Variants in LEMD1 observed in about 807,000 individuals in gnomAD.
LEMD1 encodes the protein LEM domain-containing protein 1.
Under a neutral mutation model 17.4 loss-of-function variants are expected in LEMD1, and 18 were observed. The observed-to-expected ratio is 1.04, with a 90% CI of 0.72 to 1.54. The LOEUF (loss-of-function observed/expected upper bound fraction) is 1.54, where lower values mean the gene tolerates loss of function less well. Ranked by LOEUF, LEMD1 falls within the 40% of genes most tolerant of loss-of-function variation. LEMD1 has a pLI of 0.00. For missense variants in LEMD1, 195 were observed against 210.4 expected, an observed-to-expected ratio of 0.93 and a Z score of 0.45; for synonymous variants, 88 against 77.8, an observed-to-expected ratio of 1.13 and a Z score of -0.69.
At chr1:205,400,843 T>A (rs796159063) in intron 4 of LEMD1, among the ~76,000 whole-genome samples, 1 of 79,726 alleles carries the variant, frequency 1.3e-5, no homozygotes, top group African/African-American at 4.2e-5. Context: ...ATGCTATCCC[T>A]CCCCCCCCCC....
chr1:205,382,090 C>T (rs866449805), intron 5 of LEMD1: 2 of 527,772 alleles, frequency 3.8e-6, no homozygotes, highest in Non-Finnish European at 6.8e-6. Flanking sequence ...CAGCCTTAAC[C>T]TCCTGGGCTC....
upstream of LEMD1, among the ~76,000 whole-genome samples, chr1:205,424,469 C>G (rs1419434292): frequency 6.6e-6 from 1 of 152,070 alleles, no homozygotes; most frequent in African/African-American, 2.4e-5. Context: ...TTATGCTTGG[C>G]CTAAATCAAG....
At chr1:205,381,925 T>C (rs1460864305) in intron 5 of LEMD1, 69 bp from the exon 6 acceptor site, 11 of 1,506,156 alleles carry the variant, frequency 7.3e-6, no homozygotes, top group Non-Finnish European at 1.0e-5. Context: ...CCTTAAAGTG[T>C]GTGGGTCTTG....
intron 4 of LEMD1, among the ~76,000 whole-genome samples, chr1:205,402,250 G>A (rs1184812354): frequency 2.6e-5 from 4 of 152,128 alleles, no homozygotes; most frequent in Non-Finnish European, 5.9e-5. Flanking sequence ...AAAGTCATTG[G>A]TAGCTTGATG....
In LEMD1 at chr1:205,397,575, A is replaced by C. The variant is rs145397963; in HGVS notation, c.271-13211T>G. Among the ~76,000 whole-genome samples the C allele has an allele frequency of 5.7e-3, 868 of 152,288 alleles. 8 individuals are homozygous for C. The highest frequency in any genetic ancestry group is 0.017 in the African/African-American group (694 of 41,548). ...CACTGCACTTCAATCTGGGAGATAG[A>C]GTGAGACCCTGTCTCAAGAAGAAAA... is the stretch of plus-strand genomic sequence containing the variant. On this transcript the variant is annotated intron_variant, in intron 4 of 5. Transcript: ENST00000367153.
Position 205,382,613 on chromosome 1 carries a change from T to A in LEMD1, c.348-757A>T, listed in dbSNP as rs533434305. ...AGCGTATTGGGGGATATGAGGTCTCTCAAATCCCACAAAACATTTCTTCAT... is the reference window on the plus strand; with the variant it reads ...AGCGTATTGGGGGATATGAGGTCTCACAAATCCCACAAAACATTTCTTCAT... On this transcript the variant is annotated intron_variant, in intron 5 of 5. Transcript: ENST00000367153. 2.0e-5 allele frequency among the ~76,000 whole-genome samples: 3 copies of A among 152,234 alleles called. No homozygotes were observed. The East Asian group carries it at 5.8e-4, about 30-fold the overall frequency.
intron 1 of LEMD1, among the ~76,000 whole-genome samples, chr1:205,433,355 G>T (rs1478473622): frequency 1.3e-5 from 2 of 152,112 alleles, no homozygotes; most frequent in Non-Finnish European, 2.9e-5. Context: ...TACTTGGGAG[G>T]CTGAGGCAGG....
intron 3 of LEMD1, among the ~76,000 whole-genome samples, chr1:205,416,779 T>C (rs1665716610): frequency 6.6e-6 from 1 of 152,226 alleles, no homozygotes; most frequent in Non-Finnish European, 1.5e-5. Context: ...AGCATTTTGA[T>C]AAACCTAGAG....
chr1:205,408,856 TAAAC>T lies in LEMD1; in HGVS notation c.270+7372_270+7375del, dbSNP rs1395786350. Among the ~76,000 whole-genome samples, 9 of 134,872 alleles carry T rather than the reference TAAAC, an allele frequency of 6.7e-5. 1 individual carries two copies. The East Asian group carries it at 1.8e-3, about 27-fold the overall frequency. 88.5% of individuals were successfully genotyped at this position (134,872 alleles called of 152,430 possible). ...AAATACCGGAAGGGCACATGTGACT[TAAAC>T]AAACAACAACAACAAAAAACAAGGC... On this transcript the variant is annotated intron_variant, in intron 4 of 5. Transcript: ENST00000367153.
chr1:205,447,192 C>T (rs1666406698), intron 1 of LEMD1, among the ~76,000 whole-genome samples: 1 of 152,206 alleles, frequency 6.6e-6, no homozygotes, highest in Non-Finnish European at 1.5e-5. Flanking sequence ...TGTGCTCCTT[C>T]CTATCCATAT....
chr1:205,381,798 C>T lies in LEMD1; in HGVS notation c.406G>A (p.Asp136Asn). 3 of 1,614,170 alleles carry T rather than the reference C, an allele frequency of 1.9e-6. No homozygotes were observed. Among genetic ancestry groups the T allele is most frequent in the Non-Finnish European group, 2.5e-6 (3 of 1,180,026 alleles). Residue 136 changes from aspartate to asparagine, a missense_variant, in exon 6 of 6, where the codon GAC (aspartate) becomes AAC (asparagine). Asp to Asn is a conservative substitution (Grantham distance 23). Transcript: ENST00000367153. ...ITYGTITKER[D>N]YCAEDQTIES... ...ATAGTCTGGTCTTCCGCGCAGTAGTCTCTCTCTTTGGTGATAGTCCCATAT... is the reference window on the plus strand; with the variant it reads ...ATAGTCTGGTCTTCCGCGCAGTAGTTTCTCTCTTTGGTGATAGTCCCATAT...
chr1:205,389,329 G>A (rs371253989), intron 4 of LEMD1, among the ~76,000 whole-genome samples: 10 of 152,186 alleles, frequency 6.6e-5, no homozygotes, highest in South Asian at 2.1e-4. Context: ...GATTACAGGC[G>A]TGAGCCACTG....
intron 3 of LEMD1, 148 bp from the exon 4 acceptor site, chr1:205,416,444 G>C (rs1174854880): frequency 1.6e-6 from 1 of 625,544 alleles, no homozygotes; most frequent in Non-Finnish European, 2.8e-6. Flanking sequence ...TGACGGAAGA[G>C]AACATTTCTC....
At chr1:205,440,097 A>G (rs911099723) in intron 1 of LEMD1, among the ~76,000 whole-genome samples, 2 of 152,108 alleles carry the variant, frequency 1.3e-5, no homozygotes, top group African/African-American at 4.8e-5. Context: ...CAGGGGAGAC[A>G]GGAGAATCAA....
intron 4 of LEMD1, among the ~76,000 whole-genome samples, chr1:205,413,746 G>A (rs1419575135): frequency 1.3e-5 from 2 of 149,736 alleles, no homozygotes; most frequent in South Asian, 2.1e-4. Flanking sequence ...TCTGCCTCCC[G>A]AGTTCAAGTG....
chr1:205,446,242 G>T (rs567650809), intron 1 of LEMD1, among the ~76,000 whole-genome samples: 3 of 152,342 alleles, frequency 2.0e-5, no homozygotes, highest in African/African-American at 7.2e-5. Context: ...AAGAGACAAA[G>T]AATAGAATGG....
rs768376417 is a variant in LEMD1 at position 205,448,429 on chromosome 1, A to C, written c.-39+1439T>G. 2.1e-5 allele frequency: 11 copies of C among 532,516 alleles called. No individual in the cohort carries two copies. Among genetic ancestry groups the C allele is most frequent in the Non-Finnish European group, 3.9e-5 (10 of 259,684 alleles). The allele number at this position is 532,516 out of a possible 1,614,324, so 33.0% of individuals were successfully genotyped here. On this transcript the variant is annotated intron_variant, in intron 1 of 3. Coordinates refer to the LEMD1 transcript ENST00000367154. This position sits in a 1 kb window ranked among gnomAD's most constrained non-coding sequence, Gnocchi z 4.7. ...GTCCAGCGGCAGGAATCTCATAGGG[A>C]AGCGAGAAGCTGGGGCACCCGAGAA...
At chr1:205,444,625 C>A (rs932781301) in intron 1 of LEMD1, among the ~76,000 whole-genome samples, 1 of 152,002 alleles carries the variant, frequency 6.6e-6, no homozygotes, top group Non-Finnish European at 1.5e-5. Flanking sequence ...TCAGAGCAGG[C>A]CAGAAAGTAA....
At chr1:205,434,698 C>T (rs1407865652) in intron 1 of LEMD1, among the ~76,000 whole-genome samples, 1 of 152,130 alleles carries the variant, frequency 6.6e-6, no homozygotes, top group Non-Finnish European at 1.5e-5. Flanking sequence ...CCAAAGCCTC[C>T]TTCTTGGCCC....
Sources: allele counts gnomAD v4.1 joint callset (sites outside exome capture counted in the v4.1 genomes callset), GRCh38; gene constraint gnomAD v4.1.1; non-coding constraint Gnocchi (gnomAD v3.1); transcripts MANE v1.5; gene names NCBI Gene and HGNC (gene_info 2026-07-23, HGNC 2026-07-21).